The following ANKS1A variants were observed in gnomAD, a reference collection of about 807,000 sequenced individuals.
The protein encoded by ANKS1A is ankyrin repeat and sterile alpha motif domain containing 1A, also known as ankyrin repeat and SAM domain-containing protein 1A.
ANKS1A carries 55 observed loss-of-function variants against 120.3 expected under a neutral mutation model. The observed-to-expected ratio is 0.46, with a 90% CI of 0.37 to 0.57. The LOEUF is 0.57. ANKS1A is among the 20% of genes least tolerant of loss of function. The pLI is 0.00. For missense variants in ANKS1A, 1,123 were observed against 1,480.3 expected (o/e 0.76, Z 3.96); for synonymous variants, 590 against 604.7 (o/e 0.98, Z 0.36).
chr6:34,937,673 G>A lies in ANKS1A; in HGVS notation c.198-29566G>A, dbSNP rs551144930. Among the ~76,000 whole-genome samples the A allele has an allele frequency of 8.5e-5, 13 of 152,272 alleles. No homozygotes were observed. In the South Asian group the frequency reaches 2.7e-3, roughly 32 times the overall value. The stretch of plus-strand genomic sequence containing the variant: ...CAATGGGGTATAAAGGAGAGATAAA[G>A]ATAGTAAGATCAGAAAAAAGAAGTT... On this transcript the variant is annotated intron_variant, in intron 1 of 23. Transcript: ENST00000360359.
rs80350881 is a variant in ANKS1A, at chr6:34,934,605, C to T, written c.198-32634C>T. On this transcript the variant is annotated intron_variant, in intron 1 of 23. Coordinates refer to ENST00000360359, the MANE Select transcript of ANKS1A (RefSeq NM_015245.3). ...TTCTCATTTGAAGTTACATATCATTCAGCGGTCATGCTTACATCCGTTTCC... is the reference window on the plus strand; with the variant it reads ...TTCTCATTTGAAGTTACATATCATTTAGCGGTCATGCTTACATCCGTTTCC... Among the ~76,000 whole-genome samples the T allele has an allele frequency of 8.9e-4, 135 of 152,334 alleles. 1 individual carries two copies. The East Asian group carries it at 0.023, about 26-fold the overall frequency.
rs754231543 is a variant in ANKS1A at position 34,929,736 on chromosome 6, CTCTT to C, written c.198-37491_198-37488del. ...CATTAGGTCTTTCCTTTCTTTCCTT[CTCTT>C]TCTTTCTTTCTCTTCCTCCCCTTCT... is the stretch of plus-strand genomic sequence containing the variant. On this transcript the variant is annotated intron_variant, in intron 1 of 23. Transcript: ENST00000360359. Among the ~76,000 whole-genome samples the C allele has an allele frequency of 2.6e-4, 39 of 151,966 alleles. No individual in the cohort carries two copies. In the East Asian group the frequency reaches 2.7e-3, roughly 11 times the overall value.
chr6:35,068,225 A>G (rs1351344082), intron 13 of ANKS1A, among the ~76,000 whole-genome samples: 1 of 152,168 alleles, frequency 6.6e-6, no homozygotes, highest in Non-Finnish European at 1.5e-5. Flanking sequence ...ATAAACTTGT[A>G]TTATTCAAGA....
At chr6:35,077,417 C>T (rs1196516184) in intron 13 of ANKS1A, among the ~76,000 whole-genome samples, 2 of 152,190 alleles carry the variant, frequency 1.3e-5, no homozygotes, top group Admixed American at 6.5e-5. Context: ...GTGTATATTC[C>T]GTGATAAGAA....
rs74896323 is a variant in ANKS1A at position 34,956,958 on chromosome 6, C to T, written c.198-10281C>T. Among the ~76,000 whole-genome samples the T allele has an allele frequency of 7.4e-3, 1,126 of 152,290 alleles. 21 individuals carry two copies. Among genetic ancestry groups the T allele is most frequent in the African/African-American group, 0.026 (1,063 of 41,554 alleles). On this transcript the variant is annotated intron_variant, in intron 1 of 23. Transcript: ENST00000360359. ...TAAGTCCCAGTTTTCAGCCCCTCCC[C>T]GTCCCTGGCCTCCTCTGCCACCTGG...
chr6:35,080,886 C>T (rs2127608813), intron 16 of ANKS1A, 108 bp from the exon 17 acceptor site: 1 of 1,383,432 alleles, frequency 7.2e-7, no homozygotes. Context: ...CCTGCTGCTT[C>T]TCCCGGTGCC....
chr6:34,960,703 C>T (rs145370060), intron 1 of ANKS1A, among the ~76,000 whole-genome samples: 6 of 152,276 alleles, frequency 3.9e-5, no homozygotes, highest in East Asian at 1.9e-4. Flanking sequence ...ACATAGGTGC[C>T]GCCGAGGTGC....
At chr6:34,952,829 C>G (rs144166554) in intron 1 of ANKS1A, among the ~76,000 whole-genome samples, 4 of 152,088 alleles carry the variant, frequency 2.6e-5, no homozygotes, top group African/African-American at 9.6e-5. Context: ...CCTGCCTCAG[C>G]CTCCTGAGTA....
chr6:34,954,250 A>T (rs1291009086), intron 1 of ANKS1A, among the ~76,000 whole-genome samples: 3 of 152,130 alleles, frequency 2.0e-5, no homozygotes, highest in Non-Finnish European at 4.4e-5. Context: ...CCGGTGTCTC[A>T]CTTGCCCAGT....
Position 35,089,074 on chromosome 6 carries a change from G to A in ANKS1A, c.*465G>A. On this transcript the variant is annotated 3_prime_UTR_variant, in exon 24 of 24. Coordinates refer to ENST00000360359, the MANE Select transcript of ANKS1A (RefSeq NM_015245.3). ...GCAGCTCAGTGGGTCGGAAGAGAAG[G>A]CGGTGGCCTGTGGGTGAGGGGAACG... is the stretch of plus-strand genomic sequence containing the variant. The A allele has an allele frequency of 1.9e-6, 2 of 1,053,072 alleles. No individual in the cohort carries two copies. The highest frequency in any genetic ancestry group is 1.1e-6 in the Non-Finnish European group (1 of 869,802). The allele number at this position is 1,053,072 out of a possible 1,614,324, so 65.2% of individuals were successfully genotyped here.
At chr6:35,026,435 C>A (rs1029890605) in intron 11 of ANKS1A, among the ~76,000 whole-genome samples, 2 of 152,118 alleles carry the variant, frequency 1.3e-5, no homozygotes, top group African/African-American at 4.8e-5. Context: ...ATCCTCTTGC[C>A]CTCATGGAGC....
At chr6:35,027,745 G>A (rs116474672) in intron 11 of ANKS1A, among the ~76,000 whole-genome samples, 1,655 of 152,222 alleles carry the variant, frequency 0.011, 33 homozygotes, top group African/African-American at 0.037. Flanking sequence ...TCAGATCATG[G>A]ACGACTACCC....
At chr6:35,020,158 T>C (rs534541366) in intron 11 of ANKS1A, among the ~76,000 whole-genome samples, 1 of 152,134 alleles carries the variant, frequency 6.6e-6, no homozygotes, top group Middle Eastern at 3.4e-3. Flanking sequence ...AAGAGATGAG[T>C]ACAGCCAGCC....
chr6:35,086,334 AC>A lies in ANKS1A; in HGVS notation c.3303+400del. On this transcript the variant is annotated intron_variant, in intron 22 of 23. Coordinates refer to ENST00000360359, the MANE Select transcript of ANKS1A (RefSeq NM_015245.3). The surrounding 1 kb of genome is among the most constrained non-coding windows in gnomAD (Gnocchi z 5.1). ...ACCTGCACCACCCACCGTCCTTCCT[AC>A]CTACCGCTGCCATCTGTTAGTCCTG... The A allele has an allele frequency of 2.3e-6, 3 of 1,300,280 alleles. No homozygotes were observed. Among genetic ancestry groups the A allele is most frequent in the Non-Finnish European group, 3.0e-6 (3 of 996,496 alleles). 80.5% of individuals were successfully genotyped at this position (1,300,280 alleles called of 1,614,324 possible).
rs552965144 is a variant in ANKS1A at position 34,995,278 on chromosome 6, C to T, written c.1423+856C>T. Among the ~76,000 whole-genome samples the T allele has an allele frequency of 1.2e-4, 19 of 152,260 alleles. 2 individuals are homozygous for T. The highest frequency in any genetic ancestry group is 1.2e-3 in the Admixed American group (19 of 15,300). On this transcript the variant is annotated intron_variant, in intron 10 of 23. Transcript: ENST00000360359. ...TAGAGGGCGGCAAAGAGAATGTGTGCATATGCGTATGACATTGTAGACTTT... is the reference window on the plus strand; with the variant it reads ...TAGAGGGCGGCAAAGAGAATGTGTGTATATGCGTATGACATTGTAGACTTT...
chr6:35,087,751 C>T (rs571432252), intron 23 of ANKS1A, among the ~76,000 whole-genome samples: 19 of 152,244 alleles, frequency 1.2e-4, no homozygotes, highest in Admixed American at 1.0e-3. Context: ...CCCTTGGGTC[C>T]GTGCTGACTG....
chr6:35,093,502 G>T (rs1032019922), downstream of ANKS1A, among the ~76,000 whole-genome samples: 2 of 152,060 alleles, frequency 1.3e-5, no homozygotes, highest in Non-Finnish European at 2.9e-5. Context: ...TAATATATTT[G>T]AGTCTATAAA....
rs1776002036 is a variant in ANKS1A, at chr6:35,052,229, C to G, written c.2011-1870C>G. ...CTGGGAGGCCAAAGTGCACAGATCA[C>G]TTGAGTCCAACAGTTTGAGACCAGC... On this transcript the variant is annotated intron_variant, in intron 11 of 23. Coordinates refer to ENST00000360359, the MANE Select transcript of ANKS1A (RefSeq NM_015245.3). 2.6e-5 allele frequency among the ~76,000 whole-genome samples: 4 copies of G among 152,280 alleles called. No individual in the cohort carries two copies. In the South Asian group the frequency reaches 6.2e-4, roughly 24 times the overall value.
At position 35,084,246 on chromosome 6, in the gene ANKS1A, C is replaced by T; in HGVS notation, c.3120C>T (p.Ser1040=). Residue 1040 remains serine, a synonymous_variant, in exon 21 of 24, where the codon AGC becomes AGT. Transcript: ENST00000360359. This position sits in a 1 kb window ranked among gnomAD's most constrained non-coding sequence, Gnocchi z 4.8. ...GCCACCACTATTGCCATGTGTTCAG[C>T]ACCGTGGATGTGGTGGGTGGGGTCC... ...QTSHHYCHVF[S]TVDVNLTYEI... 4 of 1,614,122 alleles carry T rather than the reference C, an allele frequency of 2.5e-6. No homozygotes were observed. The highest frequency in any genetic ancestry group is 3.4e-6 in the Non-Finnish European group (4 of 1,179,996).
Sources: allele counts gnomAD v4.1 joint callset (sites outside exome capture counted in the v4.1 genomes callset), GRCh38; gene constraint gnomAD v4.1.1; non-coding constraint Gnocchi (gnomAD v3.1); transcripts MANE v1.5; gene names NCBI Gene and HGNC (gene_info 2026-07-23, HGNC 2026-07-21).